The following KNL1 variants were observed in gnomAD, a reference collection of about 807,000 sequenced individuals.
The protein encoded by KNL1 is kinetochore scaffold 1, also known as outer kinetochore KNL1 complex subunit KNL1.
In KNL1, 66 loss-of-function variants were observed where a neutral mutation model predicts 201.3. The ratio of observed to expected loss-of-function variants is 0.33; its 90% confidence interval spans 0.27 to 0.40. The LOEUF (loss-of-function observed/expected upper bound fraction) is 0.40. Ranked by LOEUF, KNL1 falls within the 10% of genes least tolerant of loss-of-function variation. The pLI, the probability that KNL1 is intolerant of heterozygous loss-of-function variation, is 1.00. For missense variants in KNL1, 2,815 were observed against 2,690.5 expected (o/e 1.05, Z -1.02); for synonymous variants, 895 against 899.2 (o/e 1.00, Z 0.08).
Position 40,645,131 on chromosome 15 carries a change from C to T in KNL1, c.5889+44C>T, listed in dbSNP as rs762386058. On this transcript the variant is annotated intron_variant, in intron 15 of 25. Transcript: ENST00000399668. ...CTGAATGAGAATCAGTGAAGACATTCTGAACGATGTTTATTGTGAAATGAG... is the reference window on the plus strand; with the variant it reads ...CTGAATGAGAATCAGTGAAGACATTTTGAACGATGTTTATTGTGAAATGAG... The T allele has an allele frequency of 7.0e-6, 9 of 1,288,146 alleles. No individual in the cohort carries two copies. The South Asian group carries it at 1.1e-4, about 15-fold the overall frequency. The allele number at this position is 1,288,146 out of a possible 1,614,324, so 79.8% of individuals were successfully genotyped here. A position where few individuals can be genotyped will look rare whatever the true frequency, so the allele number is the denominator to read the frequency against.
intron 7 of KNL1, among the ~76,000 whole-genome samples, chr15:40,613,291 A>G (rs939439110): frequency 7.2e-5 from 11 of 152,132 alleles, no homozygotes; most frequent in Admixed American, 2.6e-4. Context: ...GTGTACATGT[A>G]TAATGTATGT....
intron 1 of KNL1, among the ~76,000 whole-genome samples, chr15:40,598,990 A>G (rs927439613): frequency 4.6e-5 from 7 of 151,910 alleles, no homozygotes; most frequent in Non-Finnish European, 1.0e-4. Context: ...TTTTTAGTAG[A>G]GACAAGATCT....
chr15:40,605,435 G>A (rs1299611622), intron 3 of KNL1, among the ~76,000 whole-genome samples: 6 of 152,142 alleles, frequency 3.9e-5, no homozygotes, highest in Non-Finnish European at 8.8e-5. Flanking sequence ...TGTTGCAAGA[G>A]ACAGAAGACC....
chr15:40,607,111 G>A (rs1892001770), intron 4 of KNL1, among the ~76,000 whole-genome samples: 1 of 152,152 alleles, frequency 6.6e-6, no homozygotes, highest in Non-Finnish European at 1.5e-5. Context: ...TGTTGGCTGG[G>A]CTGGTTTTGA....
chr15:40,618,063 A>C (rs976739353), intron 8 of KNL1, among the ~76,000 whole-genome samples: 2 of 139,994 alleles, frequency 1.4e-5, no homozygotes, highest in Non-Finnish European at 3.1e-5. Context: ...TACATTCTTT[A>C]ATGTGTTCTA....
At chr15:40,608,148 A>G (rs1035201422) in intron 4 of KNL1, among the ~76,000 whole-genome samples, 1 of 152,188 alleles carries the variant, frequency 6.6e-6, no homozygotes, top group Non-Finnish European at 1.5e-5. Context: ...TCTGACACAT[A>G]CTACAAAATG....
chr15:40,607,198 C>G (rs1482647866), intron 4 of KNL1, among the ~76,000 whole-genome samples: 1 of 152,206 alleles, frequency 6.6e-6, no homozygotes, highest in African/African-American at 2.4e-5. Context: ...TCGTGCTGGG[C>G]CTTTCTTTTT....
intron 2 of KNL1, among the ~76,000 whole-genome samples, chr15:40,604,833 A>T (rs1269970873): frequency 6.6e-6 from 1 of 152,224 alleles, no homozygotes; most frequent in African/African-American, 2.4e-5. Context: ...GCGTCTCTTG[A>T]CTTATAGCCC....
intron 6 of KNL1, among the ~76,000 whole-genome samples, chr15:40,610,501 C>A (rs1595917715): frequency 6.6e-6 from 1 of 152,170 alleles, no homozygotes; most frequent in Non-Finnish European, 1.5e-5. Context: ...AGTTCAAGAC[C>A]AACCTGGATA....
intron 2 of KNL1, among the ~76,000 whole-genome samples, chr15:40,603,596 C>T (rs1032459390): frequency 6.6e-6 from 1 of 152,216 alleles, no homozygotes; most frequent in Non-Finnish European, 1.5e-5. Context: ...CCCGCCCCCC[C>T]ATCTCTACAA....
At chr15:40,630,566 C>T (rs1271932575) in intron 13 of KNL1, among the ~76,000 whole-genome samples, 1 of 152,098 alleles carries the variant, frequency 6.6e-6, no homozygotes, top group Non-Finnish European at 1.5e-5. Context: ...CTTGCATTAC[C>T]AACTGAGCTC....
chr15:40,660,251 A>T (rs1374082803), intron 25 of KNL1, among the ~76,000 whole-genome samples: 1 of 152,078 alleles, frequency 6.6e-6, no homozygotes, highest in African/African-American at 2.4e-5. Flanking sequence ...GCTGGAGACC[A>T]CTGGTCTATT....
chr15:40,612,321 A>G (rs1892193718), intron 7 of KNL1, among the ~76,000 whole-genome samples: 1 of 151,516 alleles, frequency 6.6e-6, no homozygotes, highest in South Asian at 2.1e-4. Context: ...GTCTCAAAAA[A>G]ACAAAAAAAA....
intron 7 of KNL1, among the ~76,000 whole-genome samples, chr15:40,614,249 C>A (rs1432097595): frequency 6.6e-6 from 1 of 152,118 alleles, no homozygotes; most frequent in Non-Finnish European, 1.5e-5. Context: ...AGGTGCACAC[C>A]ACCACGCCCA....
In KNL1 at chr15:40,663,744, A is replaced by G. The variant is rs1009500323; in HGVS notation, c.*1556A>G. ...AAAAAAATTTACTCAAACTTCATTC[A>G]AATCCTAATTGTGATAATTTTTGTT... On this transcript the variant is annotated 3_prime_UTR_variant, in exon 26 of 26. Transcript: ENST00000399668. 1 of 192,928 alleles carries G rather than the reference A, an allele frequency of 5.2e-6. No individual in the cohort carries two copies. Among genetic ancestry groups the G allele is most frequent in the African/African-American group, 2.3e-5 (1 of 43,108 alleles). The allele number at this position is 192,928 out of a possible 1,614,324, so 12.0% of individuals were successfully genotyped here. A position where few individuals can be genotyped will look rare whatever the true frequency, so the allele number is the denominator to read the frequency against.
chr15:40,638,894 C>G (rs1893138560), intron 13 of KNL1, among the ~76,000 whole-genome samples: 1 of 151,676 alleles, frequency 6.6e-6, no homozygotes, highest in African/African-American at 2.4e-5. Context: ...TCACTGCAAC[C>G]TCCGCCTCCC....
chr15:40,621,850 A>G lies in KNL1; in HGVS notation c.1586A>G (p.Asp529Gly), dbSNP rs1289861104. 1.2e-6 allele frequency: 2 copies of G among 1,613,994 alleles called. No homozygotes were observed. The highest frequency in any genetic ancestry group is 1.3e-5 in the African/African-American group (1 of 74,954). ...CAAAATCTTATGACCACATCAGAAG[A>G]TGGGAAAATGAATGTAAATTGTAAC... ...MLQNLMTTSE[D>G]GKMNVNCNSV... Residue 529 changes from aspartate (D) to glycine (G), a missense_variant, in exon 10 of 26, where the codon GAT becomes GGT. Coordinates refer to ENST00000399668, the MANE Select transcript of KNL1 (RefSeq NM_144508.5).
intron 17 of KNL1, 174 bp from the exon 18 acceptor site, chr15:40,650,127 A>G: frequency 4.9e-4 from 135 of 275,976 alleles, no homozygotes; most frequent in Middle Eastern, 1.1e-3. Context: ...CTTTCACAGA[A>G]AAAAAAAAAA....
chr15:40,599,849 GAGTAC>G (rs1431996212), intron 1 of KNL1, among the ~76,000 whole-genome samples: 1 of 147,182 alleles, frequency 6.8e-6, no homozygotes, highest in East Asian at 2.0e-4. Flanking sequence ...GCCCAGGCTG[GAGTAC>G]AGTAGCTATT....
Sources: gnomAD v4.1 joint callset for allele counts (sites outside exome capture counted in the v4.1 genomes callset) on GRCh38, gnomAD v4.1.1 for gene constraint, MANE v1.5 for transcripts, NCBI Gene and HGNC (gene_info 2026-07-23, HGNC 2026-07-21) for gene names.